CD6: variants seen among roughly 807,000 people sequenced by gnomAD.
CD6 encodes the protein CD6 molecule, also known as T-cell differentiation antigen CD6.
Under a neutral mutation model 75.3 loss-of-function variants are expected in CD6, and 53 were observed. The observed-to-expected ratio is 0.70, with a 90% CI of 0.56 to 0.88. CD6 has a LOEUF of 0.88. Among genes scored for constraint, CD6 ranks in the 40% least tolerant of loss-of-function variants. The pLI, the probability that CD6 is intolerant of heterozygous loss-of-function variation, is 0.00. For missense variants in CD6, 770 were observed against 897.1 expected, an observed-to-expected ratio of 0.86 and a Z score of 1.81; for synonymous variants, 359 against 381.5, an observed-to-expected ratio of 0.94 and a Z score of 0.69.
chr11:60,994,498 G>A (rs1858215028), intron 1 of CD6, among the ~76,000 whole-genome samples: 1 of 126,088 alleles, frequency 7.9e-6, no homozygotes, highest in Non-Finnish European at 1.7e-5. Flanking sequence ...CTGAGTGACT[G>A]CAGTCCTCTG....
intron 1 of CD6, among the ~76,000 whole-genome samples, chr11:60,975,124 ATATTT>A (rs10540934): frequency 0.78 from 118,236 of 151,614 alleles, 46,244 homozygotes; most frequent in East Asian, 0.98. Context: ...CATACTAATC[ATATTT>A]TATTTTATAA....
chr11:60,980,705 TG>T (rs1164216687), intron 1 of CD6, among the ~76,000 whole-genome samples: 1 of 151,646 alleles, frequency 6.6e-6, no homozygotes, highest in Non-Finnish European at 1.5e-5. Context: ...GTTCGGGGGA[TG>T]GGGGGCACCT....
At chr11:60,993,333 T>A (rs1858142860) in intron 1 of CD6, among the ~76,000 whole-genome samples, 1 of 115,038 alleles carries the variant, frequency 8.7e-6, no homozygotes, top group South Asian at 2.3e-4. Flanking sequence ...AATCACCCCC[T>A]TGCAGAAAAG....
rs1590733328 is a variant in CD6, at chr11:61,018,930, C to T, written c.1943-324C>T. ...GGTTGCTTTGATAAGAAGTGAGCTC[C>T]CTGTCAGTGGAGGCATTCAAGCAGA... On this transcript the variant is annotated intron_variant, in intron 12 of 12. Transcript: ENST00000313421. The T allele has an allele frequency of 8.3e-6, 3 of 360,370 alleles. No homozygotes were observed. The East Asian group carries it at 1.3e-4, about 16-fold the overall frequency. The allele number at this position is 360,370 out of a possible 1,614,324, so 22.3% of individuals were successfully genotyped here.
Position 61,007,753 on chromosome 11 carries a change from G to A in CD6, c.312G>A (p.Leu104=), listed in dbSNP as rs1190484205. The A allele has an allele frequency of 1.4e-6, 2 of 1,448,484 alleles. No individual in the cohort carries two copies. The highest frequency in any genetic ancestry group is 2.6e-5 in the Admixed American group (1 of 37,808). 89.7% of individuals were successfully genotyped at this position (1,448,484 alleles called of 1,614,324 possible). A position where few individuals can be genotyped will look rare whatever the true frequency, so the allele number is the denominator to read the frequency against. Residue 104 remains leucine, a synonymous_variant, in exon 3 of 13, where the codon CTG becomes CTA. Coordinates refer to ENST00000313421, the MANE Select transcript of CD6 (RefSeq NM_006725.5). The surrounding 1 kb of genome is among the most constrained non-coding windows in gnomAD (Gnocchi z 4.2). The stretch of plus-strand genomic sequence containing the variant: ...AGCTCGCCCCGCCGACCCCTGAGCT[G>A]CCGCCCCCGCCTGCAGCCGGGAACA... ...ASQLAPPTPE[L]PPPPAAGNTS...
Position 60,974,355 on chromosome 11 carries a change from G to A in CD6, c.49+2441G>A, listed in dbSNP as rs149319470. 6.8e-4 allele frequency among the ~76,000 whole-genome samples: 104 copies of A among 152,228 alleles called. 1 individual carries two copies. The South Asian group carries it at 0.01, about 15-fold the overall frequency. On this transcript the variant is annotated intron_variant, in intron 1 of 12. Transcript: ENST00000313421. ...CTTTTATTTTTTAAGACAGAGTCTCGCTCTGTTGCCAGGCTTGAGTAGCTG... is the reference window on the plus strand; with the variant it reads ...CTTTTATTTTTTAAGACAGAGTCTCACTCTGTTGCCAGGCTTGAGTAGCTG...
intron 1 of CD6, among the ~76,000 whole-genome samples, chr11:60,985,375 G>A (rs535565183): frequency 5.9e-5 from 9 of 151,716 alleles, no homozygotes; most frequent in Admixed American, 4.6e-4. Flanking sequence ...AGTAGAGACG[G>A]GGTTTCGCCA....
chr11:60,973,538 A>G (rs536055330), intron 1 of CD6, among the ~76,000 whole-genome samples: 2 of 152,222 alleles, frequency 1.3e-5, no homozygotes, highest in South Asian at 2.1e-4. Flanking sequence ...TGGAAAATCA[A>G]TATCATTTGC....
At chr11:61,001,510 T>A (rs887160481) in intron 1 of CD6, among the ~76,000 whole-genome samples, 9 of 152,228 alleles carry the variant, frequency 5.9e-5, no homozygotes, top group Non-Finnish European at 1.3e-4. Flanking sequence ...CGATGATGTG[T>A]CTTTTAACAT....
chr11:61,003,333 C>A (rs1265038234), intron 1 of CD6, among the ~76,000 whole-genome samples: 2 of 152,114 alleles, frequency 1.3e-5, no homozygotes, highest in Non-Finnish European at 2.9e-5. Flanking sequence ...AACACATGAA[C>A]CTTGGAACAC....
intron 1 of CD6, among the ~76,000 whole-genome samples, chr11:60,990,214 G>C (rs1049251457): frequency 6.6e-6 from 1 of 152,112 alleles, no homozygotes; most frequent in African/African-American, 2.4e-5. Flanking sequence ...CATTGAGAAT[G>C]ACATTTGTTT....
chr11:61,010,455 G>T (rs548301591), intron 5 of CD6, among the ~76,000 whole-genome samples: 1 of 152,288 alleles, frequency 6.6e-6, no homozygotes, highest in African/African-American at 2.4e-5. Context: ...AATTTCAGAC[G>T]TGTTAAAGTT....
At chr11:60,974,809 G>T (rs545699174) in intron 1 of CD6, among the ~76,000 whole-genome samples, 1 of 152,310 alleles carries the variant, frequency 6.6e-6, no homozygotes, top group South Asian at 2.1e-4. Context: ...ATTCACCATT[G>T]ACTGTGCTTC....
At chr11:60,991,251 A>T (rs1647175024) in intron 1 of CD6, among the ~76,000 whole-genome samples, 1 of 149,468 alleles carries the variant, frequency 6.7e-6, no homozygotes, top group African/African-American at 2.5e-5. Context: ...CCTGGGTTCA[A>T]GCGATTCTCC....
intron 1 of CD6, among the ~76,000 whole-genome samples, chr11:60,999,643 G>A (rs1458188318): frequency 6.6e-6 from 1 of 151,834 alleles, no homozygotes; most frequent in Admixed American, 6.6e-5. Flanking sequence ...TATTTTTAAT[G>A]TGCTATATTT....
chr11:60,996,325 G>C (rs919398106), intron 1 of CD6, among the ~76,000 whole-genome samples: 3 of 152,110 alleles, frequency 2.0e-5, no homozygotes, highest in African/African-American at 4.8e-5. Flanking sequence ...TTATCCCCCT[G>C]CACTCTGGAC....
Position 61,017,568 on chromosome 11 carries a change from G to A in CD6, c.1582+18G>A, listed in dbSNP as rs1271842897. ...GGAGGAAGGTGAGTCAGGATGGGAAGGGGTGTGAATGGCAGTCCCACCTCC... is the reference window on the plus strand; with the variant it reads ...GGAGGAAGGTGAGTCAGGATGGGAAAGGGTGTGAATGGCAGTCCCACCTCC... On this transcript the variant is annotated intron_variant, in intron 10 of 12. Coordinates refer to ENST00000313421, the MANE Select transcript of CD6 (RefSeq NM_006725.5). 5 of 1,562,296 alleles carry A rather than the reference G, an allele frequency of 3.2e-6. No individual in the cohort carries two copies. In the African/African-American group the frequency reaches 4.1e-5, roughly 13 times the overall value.
chr11:61,015,657 C>A, intron 8 of CD6, 56 bp from the exon 9 acceptor site: 1 of 1,606,160 alleles, frequency 6.2e-7, no homozygotes, highest in Non-Finnish European at 8.5e-7. Context: ...TACCATCCCT[C>A]CCTACACCTT....
intron 1 of CD6, among the ~76,000 whole-genome samples, chr11:60,973,379 C>T (rs991100335): frequency 1.3e-5 from 2 of 152,210 alleles, no homozygotes; most frequent in Non-Finnish European, 2.9e-5. Flanking sequence ...TTCAGTCTGT[C>T]CCACCCTGGC....
Sources: allele counts gnomAD v4.1 joint callset (sites outside exome capture counted in the v4.1 genomes callset), GRCh38; gene constraint gnomAD v4.1.1; non-coding constraint Gnocchi (gnomAD v3.1); transcripts MANE v1.5; gene names NCBI Gene and HGNC (gene_info 2026-07-23, HGNC 2026-07-21).